Variants in NKX3-2 observed in about 807,000 individuals in gnomAD.
The protein encoded by NKX3-2 is homeobox protein Nkx-3.2.
NKX3-2 carries 13 observed loss-of-function variants against 19.4 expected under a neutral mutation model. The ratio of observed to expected loss-of-function variants is 0.67; its 90% CI spans 0.44 to 1.07. NKX3-2 has a LOEUF of 1.07. NKX3-2 is among the 50% of genes least tolerant of loss of function. NKX3-2 has a pLI of 0.00. For missense variants in NKX3-2, 562 were observed against 488.2 expected (o/e 1.15, Z -1.42); for synonymous variants, 269 against 230.5 (o/e 1.17, Z -1.51).
In NKX3-2 at chr4:13,544,053, C is replaced by T. The variant is rs1005638560; in HGVS notation, c.362G>A (p.Gly121Glu). ...GACCGGCTGGCCGAGGCTCAAGGAT[C>T]CCCCCGCAAGGCCGGCCCCGCTGGC... is the stretch of plus-strand genomic sequence containing the variant. ...RGASGAGLAG[G>E]SLSLGQPVCE... Residue 121 changes from glycine (G) to glutamate (E), a missense_variant, in exon 1 of 2, where the codon GGA (glycine) becomes GAA (glutamate). By Grantham distance (98) the Gly-to-Glu change is moderately conservative. Transcript: ENST00000382438. 3 of 1,568,622 alleles carry T rather than the reference C, an allele frequency of 1.9e-6. No individual in the cohort carries two copies. Among genetic ancestry groups the T allele is most frequent in the Non-Finnish European group, 2.6e-6 (3 of 1,160,136 alleles).
chr4:13,543,813 G>T lies in NKX3-2; in HGVS notation c.466+136C>A. 1 of 793,146 alleles carries T rather than the reference G, an allele frequency of 1.3e-6. No homozygotes were observed. The highest frequency in any genetic ancestry group is 1.9e-6 in the Non-Finnish European group (1 of 527,750). 49.1% of individuals were successfully genotyped at this position (793,146 alleles called of 1,614,324 possible). A position where few individuals can be genotyped will look rare whatever the true frequency, so the allele number is the denominator to read the frequency against. On this transcript the variant is annotated intron_variant, in intron 1 of 1. Transcript: ENST00000382438. The surrounding 1 kb of genome is among the most constrained non-coding windows in gnomAD (Gnocchi z 7.1). Reference sequence around the variant, plus strand: ...AAGTGATAGAGCAGCTCGCGCCAGAGCGCAGAACTTCGGGATTTGGCCAGC... The same window carrying T: ...AAGTGATAGAGCAGCTCGCGCCAGATCGCAGAACTTCGGGATTTGGCCAGC...
upstream of NKX3-2, chr4:13,544,841 C>T (rs538083414): frequency 6.5e-6 from 1 of 153,136 alleles, no homozygotes; most frequent in South Asian, 2.1e-4. Flanking sequence ...TCTGTCCCTT[C>T]CTCGCCTGCA....
rs771586473 is a variant in NKX3-2, at chr4:13,544,109, C to G, written c.306G>C (p.Glu102Asp). The change falls in exon 1 of 2, where the codon GAG becomes GAC. Residue 102 changes from glutamate (E) to aspartate (D), a missense_variant. Glu to Asp is a conservative substitution (Grantham distance 45). Coordinates refer to ENST00000382438, the MANE Select transcript of NKX3-2 (RefSeq NM_001189.4). ...GCGCGTCCGCGCAGCGCCGCCTGCT[C>G]TCGTTCTCCTCGCTGAGCGCGGAGT... is the stretch of plus-strand genomic sequence containing the variant. ...DSDSALSEEN[E>D]SRRRCADARG... 1 of 1,599,166 alleles carries G rather than the reference C, an allele frequency of 6.3e-7. No individual in the cohort carries two copies. The highest frequency in any genetic ancestry group is 1.7e-5 in the Admixed American group (1 of 58,434).
chr4:13,542,613 G>T lies in NKX3-2; in HGVS notation c.467-85C>A. 1 of 1,518,338 alleles carries T rather than the reference G, an allele frequency of 6.6e-7. No homozygotes were observed. The highest frequency in any genetic ancestry group is 1.1e-5 in the South Asian group (1 of 88,864). 94.1% of individuals were successfully genotyped at this position (1,518,338 alleles called of 1,614,324 possible). The stretch of plus-strand genomic sequence containing the variant: ...CGGGCCTCAACTGCAGGGGTCACGG[G>T]AGTGGGGCGGAAATACACTTTGATC... On this transcript the variant is annotated intron_variant, in intron 1 of 1. Coordinates refer to ENST00000382438, the MANE Select transcript of NKX3-2 (RefSeq NM_001189.4). This position sits in a 1 kb window ranked among gnomAD's most constrained non-coding sequence, Gnocchi z 6.4.
rs755717805 is a variant in NKX3-2 at position 13,542,112 on chromosome 4, G to T, written c.883C>A (p.Pro295Thr). ...LVRDDQRQYL[P>T]GEVLRPPSLL... ...GAGGGTGGCCGCAGCACTTCGCCGG[G>T]CAGGTATTGTCTCTGGTCGTCGCGC... Residue 295 changes from proline (P) to threonine (T), a missense_variant, in exon 2 of 2, where the codon CCC becomes ACC. Pro to Thr is a conservative substitution (Grantham distance 38, BLOSUM62 -1). Transcript: ENST00000382438. This position sits in a 1 kb window ranked among gnomAD's most constrained non-coding sequence, Gnocchi z 6.4. 18 of 1,608,208 alleles carry T rather than the reference G, an allele frequency of 1.1e-5. No homozygotes were observed. The highest frequency in any genetic ancestry group is 1.5e-5 in the Non-Finnish European group (18 of 1,175,852).
Position 13,542,423 on chromosome 4 carries a change from C to G in NKX3-2, c.572G>C (p.Gly191Ala). The G allele has an allele frequency of 9.7e-6, 15 of 1,539,188 alleles. No individual in the cohort carries two copies. The highest frequency in any genetic ancestry group is 1.2e-5 in the Non-Finnish European group (14 of 1,149,556). ...AGGGGGSGPA[G>A]VAEEEEEPAA... ...CGGCTCCTCCTCCTCCTCCGCGACG[C>G]CTGCCGGCCCGCTGCCGCCCCCGCC... Residue 191 changes from glycine (G) to alanine (A), a missense_variant, in exon 2 of 2, where the codon GGC becomes GCC. Physicochemically the swap from Gly to Ala is moderately conservative, Grantham distance 60. Transcript: ENST00000382438. This position sits in a 1 kb window ranked among gnomAD's most constrained non-coding sequence, Gnocchi z 6.4.
upstream of NKX3-2, chr4:13,544,515 G>T: frequency 2.6e-6 from 2 of 768,134 alleles, no homozygotes. Flanking sequence ...GAGTGAGCTG[G>T]GTGTGCGAGG....
chr4:13,545,643 T>A (rs1718117274), upstream of NKX3-2, among the ~76,000 whole-genome samples: 1 of 152,200 alleles, frequency 6.6e-6, no homozygotes, highest in African/African-American at 2.4e-5. Flanking sequence ...TTGAAAGGCA[T>A]CTTTGGGAGA....
chr4:13,544,016 G>C lies in NKX3-2; in HGVS notation c.399C>G (p.Ala133=). Residue 133 remains alanine (A), a synonymous_variant, in exon 1 of 2, where the codon GCC becomes GCG. Transcript: ENST00000382438. ...CTTCCTCCTCTAGGTCTTTGGAAGC[G>C]GCCAGCTCACAGACCGGCTGGCCGA... is the stretch of plus-strand genomic sequence containing the variant. ...LSLGQPVCEL[A]ASKDLEEEAA... 6.4e-7 allele frequency: 1 copy of C among 1,564,620 alleles called. No individual in the cohort carries two copies. The highest frequency in any genetic ancestry group is 1.2e-5 in the South Asian group (1 of 83,892).
chr4:13,541,328 G>A lies in NKX3-2; in HGVS notation c.*665C>T, dbSNP rs568168123. ...AGAGAAGGAAGATGTGGAGACCCCC[G>A]GCTTGCACCACACTTGGAGGCTCCC... is the stretch of plus-strand genomic sequence containing the variant. On this transcript the variant is annotated 3_prime_UTR_variant, in exon 2 of 2. Transcript: ENST00000382438. 95 of 152,188 alleles carry A rather than the reference G, an allele frequency of 6.2e-4. No individual in the cohort carries two copies. The highest frequency in any genetic ancestry group is 2.2e-3 in the African/African-American group (91 of 41,518). The allele number at this position is 152,188 out of a possible 1,614,324, so 9.4% of individuals were successfully genotyped here. A position where few individuals can be genotyped will look rare whatever the true frequency, so the allele number is the denominator to read the frequency against.
chr4:13,546,168 C>T (rs1253643389), upstream of NKX3-2: 1 of 152,186 alleles, frequency 6.6e-6, no homozygotes, highest in African/African-American at 2.4e-5. Flanking sequence ...TTGTTGCTTT[C>T]TTTTTGGTTG....
At position 13,544,500 on chromosome 4, in the gene NKX3-2, A is replaced by T; in HGVS notation, c.-86T>A. The T allele has an allele frequency of 1.0e-6, 1 of 960,180 alleles. No individual in the cohort carries two copies. Among genetic ancestry groups the T allele is most frequent in the African/African-American group, 1.7e-5 (1 of 57,728 alleles). 59.5% of individuals were successfully genotyped at this position (960,180 alleles called of 1,614,324 possible). On this transcript the variant is annotated 5_prime_UTR_variant, in exon 1 of 2. Transcript: ENST00000382438. Reference sequence around the variant, plus strand: ...CGGGACAGAGAGCGCCGGCGGCCGCAGCGCGAGTGAGCTGGGTGTGCGAGG... The same window carrying T: ...CGGGACAGAGAGCGCCGGCGGCCGCTGCGCGAGTGAGCTGGGTGTGCGAGG...
rs771961191 is a variant in NKX3-2 at position 13,542,066 on chromosome 4, G to T, written c.929C>A (p.Ser310Tyr). Reference protein sequence around the residue: ...RPPSLLPLQPSYYYPYYCLPG... With the variant: ...RPPSLLPLQPYYYYPYYCLPG... ...GAGGCAGTAGTACGGGTAATAGTAG[G>T]AGGGCTGCAGTGGCAGAAGCGAGGG... The change falls in exon 2 of 2, where the codon TCC becomes TAC. Residue 310 changes from serine (S) to tyrosine (Y), a missense_variant. Transcript: ENST00000382438. The surrounding 1 kb of genome is among the most constrained non-coding windows in gnomAD (Gnocchi z 6.4). The T allele has an allele frequency of 1.1e-5, 18 of 1,607,820 alleles. No individual in the cohort carries two copies. In the Admixed American group the frequency reaches 2.9e-4, roughly 26 times the overall value.
chr4:13,544,082 C>T lies in NKX3-2; in HGVS notation c.333G>A (p.Arg111=), dbSNP rs1718058844. ...NESRRRCADA[R]GASGAGLAGG... is the part of the protein sequence containing the mutation. ...CCGCAAGGCCGGCCCCGCTGGCCCCCCGCGCGTCCGCGCAGCGCCGCCTGC... is the reference window on the plus strand; with the variant it reads ...CCGCAAGGCCGGCCCCGCTGGCCCCTCGCGCGTCCGCGCAGCGCCGCCTGC... The change falls in exon 1 of 2, where the codon CGG becomes CGA. Residue 111 remains arginine (R), a synonymous_variant. Coordinates refer to ENST00000382438, the MANE Select transcript of NKX3-2 (RefSeq NM_001189.4). 1 of 1,583,202 alleles carries T rather than the reference C, an allele frequency of 6.3e-7. No homozygotes were observed. Among genetic ancestry groups the T allele is most frequent in the African/African-American group, 1.4e-5 (1 of 73,470 alleles).
In NKX3-2 at chr4:13,542,883, G is replaced by A. The variant is rs1331108578; in HGVS notation, c.467-355C>T. 6.6e-6 allele frequency among the ~76,000 whole-genome samples: 1 copy of A among 151,950 alleles called. No individual in the cohort carries two copies. The stretch of plus-strand genomic sequence containing the variant: ...CCCGGCTCTCAGCGTTGAGCATTGG[G>A]ATTCTAGACTGCATTTCCGTCTCTC... On this transcript the variant is annotated intron_variant, in intron 1 of 1. Transcript: ENST00000382438. The surrounding 1 kb of genome is among the most constrained non-coding windows in gnomAD (Gnocchi z 6.4).
At position 13,544,258 on chromosome 4, in the gene NKX3-2, G is replaced by T; in HGVS notation, c.157C>A (p.Arg53=). 4 of 1,571,230 alleles carry T rather than the reference G, an allele frequency of 2.5e-6. No homozygotes were observed. The highest frequency in any genetic ancestry group is 3.4e-6 in the Non-Finnish European group (4 of 1,167,658). Residue 53 remains arginine, a synonymous_variant, in exon 1 of 2, where the codon CGG becomes AGG. Transcript: ENST00000382438. ...CCCGCGTCCCTCTCCCCAAAGAGCC[G>T]CCAACAGCAGACAGCGGGAGCCGCG... ...VAAAPAVCCW[R]LFGERDAGAL...
At chr4:13,545,555 G>A (rs1315891343), upstream of NKX3-2, among the ~76,000 whole-genome samples, 1 of 151,028 alleles carries the variant, frequency 6.6e-6, no homozygotes, top group African/African-American at 2.4e-5. Flanking sequence ...TTCTTTCCTC[G>A]TCGTCTTTGA....
Position 13,543,902 on chromosome 4 carries a change from G to C in NKX3-2, c.466+47C>G. The stretch of plus-strand genomic sequence containing the variant: ...CCCACTCGGCGTGGTTGCCCTCCGC[G>C]TCCATCCCCTCAGCCCGGCCCCCAT... On this transcript the variant is annotated intron_variant, in intron 1 of 1. Transcript: ENST00000382438. The surrounding 1 kb of genome is among the most constrained non-coding windows in gnomAD (Gnocchi z 7.1). 2.1e-6 allele frequency: 3 copies of C among 1,451,758 alleles called. No homozygotes were observed. Among genetic ancestry groups the C allele is most frequent in the Non-Finnish European group, 2.7e-6 (3 of 1,096,784 alleles). The allele number at this position is 1,451,758 out of a possible 1,614,324, so 89.9% of individuals were successfully genotyped here. A position where few individuals can be genotyped will look rare whatever the true frequency, so the allele number is the denominator to read the frequency against.
chr4:13,546,031 T>G (rs1476936989), upstream of NKX3-2: 1 of 152,238 alleles, frequency 6.6e-6, no homozygotes, highest in East Asian at 1.9e-4. Context: ...TCCATAAACT[T>G]TACCAGAGAG....
Sources: allele counts gnomAD v4.1 joint callset (sites outside exome capture counted in the v4.1 genomes callset), GRCh38; gene constraint gnomAD v4.1.1; non-coding constraint Gnocchi (gnomAD v3.1); transcripts MANE v1.5; gene names NCBI Gene and HGNC (gene_info 2026-07-23, HGNC 2026-07-21).